The following RHOT1 variants were observed in gnomAD, a reference collection of about 807,000 sequenced individuals.
The protein encoded by RHOT1 is mitochondrial Rho GTPase 1.
A neutral mutation model predicts 95.3 loss-of-function variants in RHOT1; 27 were observed. The ratio of observed to expected loss-of-function variants is 0.28; its 90% CI spans 0.21 to 0.39. RHOT1 has a LOEUF of 0.39. RHOT1 is among the 10% of genes least tolerant of loss of function. The pLI, the probability that RHOT1 is intolerant of heterozygous loss-of-function variation, is 1.00. For missense variants in RHOT1, 578 were observed against 786.7 expected (o/e 0.73, Z 3.17); for synonymous variants, 227 against 263.5 (o/e 0.86, Z 1.34).
In RHOT1 at chr17:32,200,775, C is replaced by CAA. The variant is rs367743557; in HGVS notation, c.1101-168_1101-167dup. Among the ~76,000 whole-genome samples, 1,014 of 110,732 alleles carry CAA rather than the reference C, an allele frequency of 9.2e-3. 17 individuals carry two copies. Among genetic ancestry groups the CAA allele is most frequent in the African/African-American group, 0.031 (946 of 30,518 alleles). The allele number at this position is 110,732 out of a possible 152,430, so 72.6% of individuals were successfully genotyped here. On this transcript the variant is annotated intron_variant, in intron 13 of 19. Transcript: ENST00000545287. The stretch of plus-strand genomic sequence containing the variant: ...GATGACAAAGTAAGGCCCTATCTTT[C>CAA]AAAAAAAAAAAAAAGAATGGCAGTG...
At position 32,208,112 on chromosome 17, in the gene RHOT1, C is replaced by T. The variant is rs772505328; in HGVS notation, c.1542C>T (p.His514=). ...FEYCARIFKQ[H]FMDSRIPCLI... ...TTTCATTTTTTATTCCATAGCAACA[C>T]TTTATGGACAGCAGAATACCTTGCT... is the stretch of plus-strand genomic sequence containing the variant. Residue 514 remains histidine (H), a synonymous_variant, in exon 18 of 20, where the codon CAC becomes CAT. Coordinates refer to ENST00000545287, the MANE Select transcript of RHOT1 (RefSeq NM_001033566.3). 4.3e-6 allele frequency: 7 copies of T among 1,613,494 alleles called. No individual in the cohort carries two copies. The highest frequency in any genetic ancestry group is 1.1e-5 in the South Asian group (1 of 91,064).
At chr17:32,151,159 G>T in intron 1 of RHOT1, 2 of 794,322 alleles carry the variant, frequency 2.5e-6, no homozygotes, top group Non-Finnish European at 2.3e-6. Flanking sequence ...ACTCTGGTAG[G>T]TTGAGTTTCA....
At chr17:32,195,285 C>A (rs372588413) in intron 11 of RHOT1, among the ~76,000 whole-genome samples, 19 of 151,810 alleles carry the variant, frequency 1.3e-4, no homozygotes, top group African/African-American at 4.6e-4. Flanking sequence ...TCTTTGTTTT[C>A]TTTTTCTTTG....
intron 11 of RHOT1, among the ~76,000 whole-genome samples, chr17:32,196,417 T>C (rs2036893515): frequency 6.6e-6 from 1 of 152,076 alleles, no homozygotes; most frequent in Non-Finnish European, 1.5e-5. Flanking sequence ...GTTTCTGTCT[T>C]TCAGGCTCAA....
chr17:32,220,452 T>A lies in RHOT1; in HGVS notation c.1863-4164T>A, dbSNP rs767012826. ...CTATTTAGAATGTTTCCATAATTGA[T>A]GAAGAAGTCCATACCTTATAACACG... On this transcript the variant is annotated intron_variant, in intron 19 of 19. Coordinates refer to ENST00000545287, the MANE Select transcript of RHOT1 (RefSeq NM_001033566.3). Among the ~76,000 whole-genome samples, 10 of 152,198 alleles carry A rather than the reference T, an allele frequency of 6.6e-5. 1 individual carries two copies. Among genetic ancestry groups the A allele is most frequent in the Non-Finnish European group, 1.0e-4 (7 of 68,024 alleles).
chr17:32,150,700 T>C (rs2032173653), intron 1 of RHOT1: 8 of 1,602,978 alleles, frequency 5.0e-6, no homozygotes, highest in Non-Finnish European at 5.1e-6. Context: ...TTGGGATATG[T>C]CATAGGCATC....
intron 19 of RHOT1, chr17:32,221,096 G>C: frequency 1.0e-6 from 1 of 973,326 alleles, no homozygotes; most frequent in Non-Finnish European, 1.2e-6. Context: ...GGCCAGGCGT[G>C]GTGGCTCACG....
intron 13 of RHOT1, 75 bp downstream of exon 13, chr17:32,199,625 T>C (rs1398891289): frequency 2.3e-6 from 3 of 1,286,836 alleles, no homozygotes; most frequent in Admixed American, 5.5e-5. Context: ...TTTGTCACTT[T>C]GTAAGCTTGT....
intron 19 of RHOT1, 47 bp downstream of exon 19, chr17:32,211,285 A>G (rs1345092728): frequency 6.6e-7 from 1 of 1,518,354 alleles, no homozygotes; most frequent in Non-Finnish European, 8.9e-7. Context: ...TTAAAATACA[A>G]AAGAAAAAAG....
At chr17:32,178,963 T>A (rs2142597868) in intron 6 of RHOT1, 1 of 130,198 alleles carries the variant, frequency 7.7e-6, no homozygotes, top group Non-Finnish European at 1.5e-5. Context: ...CGCCACCCCG[T>A]CTGGGAAGTG....
At chr17:32,203,267 TTC>T (rs1457314842) in intron 15 of RHOT1, among the ~76,000 whole-genome samples, 4 of 126,604 alleles carry the variant, frequency 3.2e-5, no homozygotes, top group Admixed American at 7.7e-5. Context: ...CTTCTTCTTC[TTC>T]TTTTTTTTTT....
At chr17:32,199,906 A>G (rs1378995853) in intron 13 of RHOT1, among the ~76,000 whole-genome samples, 1 of 149,014 alleles carries the variant, frequency 6.7e-6, no homozygotes, top group Non-Finnish European at 1.5e-5. Context: ...GACACTGAAG[A>G]TTCTGTTTTT....
chr17:32,163,963 T>C (rs2033808847), intron 1 of RHOT1, among the ~76,000 whole-genome samples: 2 of 152,066 alleles, frequency 1.3e-5, no homozygotes, highest in South Asian at 4.2e-4. Flanking sequence ...GAGACCATCC[T>C]GGCCAACATG....
chr17:32,208,195 C>A lies in RHOT1; in HGVS notation c.1625C>A (p.Pro542His), dbSNP rs2037886508. The A allele has an allele frequency of 6.2e-7, 1 of 1,613,906 alleles. No individual in the cohort carries two copies. The highest frequency in any genetic ancestry group is 1.7e-5 in the Admixed American group (1 of 59,996). The change falls in exon 18 of 20, where the codon CCT becomes CAT. Residue 542 changes from proline (P) to histidine (H), a missense_variant. Physicochemically the swap from Pro to His is moderately conservative, Grantham distance 77. Around this residue, in one of 4 missense-constraint regions of RHOT1, gnomAD observed 296 missense variants for 338.5 expected, o/e 0.87. Coordinates refer to ENST00000545287, the MANE Select transcript of RHOT1 (RefSeq NM_001033566.3). ...HEVKQEYSIS[P>H]TDFCRKHKMP... Reference sequence around the variant, plus strand: ...GTTAAACAAGAATACAGTATTTCACCTACTGATTTCTGCAGGAAACACAAA... The same window carrying A: ...GTTAAACAAGAATACAGTATTTCACATACTGATTTCTGCAGGAAACACAAA...
At chr17:32,214,805 T>C (rs888554106) in intron 19 of RHOT1, among the ~76,000 whole-genome samples, 2 of 151,800 alleles carry the variant, frequency 1.3e-5, no homozygotes, top group African/African-American at 4.8e-5. Flanking sequence ...CACCTAACAC[T>C]AGGTCCTAAG....
intron 9 of RHOT1, 33 bp downstream of exon 9, chr17:32,192,332 C>CTTTTTTTTTTTTTT: frequency 1.8e-6 from 1 of 542,668 alleles, no homozygotes; most frequent in South Asian, 2.2e-5. Context: ...ATTTGCGTAT[C>CTTTTTTTTTTTTTT]TTTTTTTTTT....
At chr17:32,168,476 G>C (rs2034295211) in intron 1 of RHOT1, among the ~76,000 whole-genome samples, 1 of 151,882 alleles carries the variant, frequency 6.6e-6, no homozygotes, top group Non-Finnish European at 1.5e-5. Context: ...GTGTCATTAT[G>C]TTACCTAGGC....
chr17:32,142,983 C>T lies in RHOT1; in HGVS notation c.37+254C>T, dbSNP rs1016875774. 1.1e-5 allele frequency: 8 copies of T among 711,372 alleles called. No individual in the cohort carries two copies. In the African/African-American group the frequency reaches 1.2e-4, roughly 11 times the overall value. The allele number at this position is 711,372 out of a possible 1,614,324, so 44.1% of individuals were successfully genotyped here. ...AGATCTCCTTTCCCTGTTCCCCAGC[C>T]GTCCTCCCAAGCCATGTCCCTATTA... On this transcript the variant is annotated intron_variant, in intron 1 of 19. Coordinates refer to ENST00000545287, the MANE Select transcript of RHOT1 (RefSeq NM_001033566.3).
rs1016407526 is a variant in RHOT1, at chr17:32,201,161, A to T, written c.1201+105A>T. 10 of 613,016 alleles carry T rather than the reference A, an allele frequency of 1.6e-5. No homozygotes were observed. The East Asian group carries it at 3.0e-4, about 19-fold the overall frequency. The allele number at this position is 613,016 out of a possible 1,614,324, so 38.0% of individuals were successfully genotyped here. On this transcript the variant is annotated intron_variant, in intron 14 of 19. Coordinates refer to ENST00000545287, the MANE Select transcript of RHOT1 (RefSeq NM_001033566.3). ...ATACACTCATCTTCATTAGTCTTCC[A>T]TCTACACTCTATTAGTTTTCCTTGT...
Sources: gnomAD v4.1 joint callset for allele counts (sites outside exome capture counted in the v4.1 genomes callset) on GRCh38, gnomAD v4.1.1 for gene constraint, gnomAD v4.1.1 regional missense constraint, MANE v1.5 for transcripts, NCBI Gene and HGNC (gene_info 2026-07-23, HGNC 2026-07-21) for gene names.